DPYD: variants seen among roughly 807,000 people sequenced by gnomAD.
DPYD encodes dihydropyrimidine dehydrogenase, also known as dihydropyrimidine dehydrogenase [NADP(+)].
DPYD carries 109 observed loss-of-function variants against 116.2 expected under a neutral mutation model. The observed-to-expected ratio is 0.94, with a 90% CI of 0.80 to 1.10. The LOEUF (loss-of-function observed/expected upper bound fraction) is 1.10, where lower values mean the gene tolerates loss of function less well. DPYD is among the 50% of genes least tolerant of loss of function. The probability of loss-of-function intolerance (pLI) is 0.00; values close to 1 mark genes in which losing one functional copy is unlikely to be tolerated. For synonymous variants in DPYD, 440 were observed against 432.0 expected (o/e 1.02, Z -0.23); for missense variants, 1,302 against 1,254.5 (o/e 1.04, Z -0.57).
At chr1:97,708,921 CA>C (rs1479569637) in intron 5 of DPYD, among the ~76,000 whole-genome samples, 2 of 151,702 alleles carry the variant, frequency 1.3e-5, no homozygotes, top group Admixed American at 6.6e-5. Flanking sequence ...CTTTTAATTT[CA>C]AATTCTAATC....
intron 3 of DPYD, among the ~76,000 whole-genome samples, chr1:97,743,669 T>G (rs1284115676): frequency 1.3e-5 from 2 of 152,114 alleles, no homozygotes; most frequent in African/African-American, 4.8e-5. Context: ...CAGAATGTTA[T>G]TACCTAAATT....
chr1:97,182,920 T>C (rs766845963), intron 20 of DPYD, among the ~76,000 whole-genome samples: 48 of 152,144 alleles, frequency 3.2e-4, no homozygotes, highest in Admixed American at 4.6e-4. Flanking sequence ...TATATACATT[T>C]ATTCTGGGCA....
rs192511804 is a variant in DPYD, at chr1:97,854,103, T to C, written c.151-25907A>G. ...CCATTTCTATTATCCAGAAAATATA[T>C]ACATAAAAAGAAAACATTCATATTA... is the stretch of plus-strand genomic sequence containing the variant. On this transcript the variant is annotated intron_variant, in intron 2 of 22. Transcript: ENST00000370192. 6.6e-5 allele frequency among the ~76,000 whole-genome samples: 10 copies of C among 152,326 alleles called. 1 individual carries two copies. Among genetic ancestry groups the C allele is most frequent in the Admixed American group, 6.5e-4 (10 of 15,302 alleles).
At chr1:97,630,992 C>A (rs1212060103) in intron 8 of DPYD, among the ~76,000 whole-genome samples, 1 of 152,036 alleles carries the variant, frequency 6.6e-6, no homozygotes, top group Non-Finnish European at 1.5e-5. Flanking sequence ...ATTCCAGGTC[C>A]TCTAATAACT....
chr1:97,231,558 A>G (rs112599248), intron 19 of DPYD, among the ~76,000 whole-genome samples: 13,057 of 152,152 alleles, frequency 0.086, 959 homozygotes, highest in East Asian at 0.28. Flanking sequence ...ACTCACTGTC[A>G]GGAAAGCACA....
chr1:97,447,136 A>C (rs1252485877), intron 14 of DPYD, among the ~76,000 whole-genome samples: 2 of 152,200 alleles, frequency 1.3e-5, no homozygotes, highest in Non-Finnish European at 2.9e-5. Flanking sequence ...GGAAACAGAG[A>C]CATTAGCTAC....
chr1:97,706,072 T>C (rs1661933009), intron 5 of DPYD, among the ~76,000 whole-genome samples: 1 of 152,034 alleles, frequency 6.6e-6, no homozygotes, highest in Non-Finnish European at 1.5e-5. Context: ...ATAAGAAATG[T>C]ATAACTGAAA....
At chr1:97,252,911 GA>G (rs1557974240) in intron 18 of DPYD, among the ~76,000 whole-genome samples, 1 of 151,952 alleles carries the variant, frequency 6.6e-6, no homozygotes, top group Non-Finnish European at 1.5e-5. Context: ...CATAAACTTC[GA>G]AATACAAATC....
intron 10 of DPYD, among the ~76,000 whole-genome samples, chr1:97,575,068 C>T (rs1300978288): frequency 6.6e-6 from 1 of 152,158 alleles, no homozygotes; most frequent in Non-Finnish European, 1.5e-5. Context: ...GCTAATTAAA[C>T]CAGACTGCGC....
chr1:97,360,673 T>C (rs1264293369), intron 16 of DPYD, among the ~76,000 whole-genome samples: 2 of 152,090 alleles, frequency 1.3e-5, no homozygotes, highest in Non-Finnish European at 2.9e-5. Flanking sequence ...CACAACTACA[T>C]GGAAACTGAA....
At chr1:97,757,798 A>C (rs1288118031) in intron 3 of DPYD, among the ~76,000 whole-genome samples, 1 of 152,218 alleles carries the variant, frequency 6.6e-6, no homozygotes, top group Non-Finnish European at 1.5e-5. Context: ...TCAGCTTCCA[A>C]GACAAGTATT....
intron 16 of DPYD, among the ~76,000 whole-genome samples, chr1:97,322,222 C>T (rs1232223602): frequency 6.8e-6 from 1 of 146,272 alleles, no homozygotes; most frequent in Non-Finnish European, 1.5e-5. Context: ...TACCCTAAAA[C>T]TTAAAGTATA....
At chr1:97,694,384 A>T (rs112980478) in intron 6 of DPYD, among the ~76,000 whole-genome samples, 1 of 152,234 alleles carries the variant, frequency 6.6e-6, no homozygotes, top group East Asian at 1.9e-4. Flanking sequence ...TGACAAATGT[A>T]AAATACTAAA....
chr1:97,902,238 A>G (rs2101686978), intron 1 of DPYD, among the ~76,000 whole-genome samples: 1 of 151,958 alleles, frequency 6.6e-6, no homozygotes, highest in Admixed American at 6.6e-5. Flanking sequence ...AGACTGAGTC[A>G]AGATTAGAAC....
intron 20 of DPYD, among the ~76,000 whole-genome samples, chr1:97,153,276 G>A (rs1439982705): frequency 1.3e-5 from 2 of 152,100 alleles, no homozygotes; most frequent in Non-Finnish European, 2.9e-5. Context: ...GAGAATAACA[G>A]CTGCATCCAC....
At chr1:97,464,552 G>C (rs866765430) in intron 13 of DPYD, among the ~76,000 whole-genome samples, 1 of 152,136 alleles carries the variant, frequency 6.6e-6, no homozygotes, top group Non-Finnish European at 1.5e-5. Flanking sequence ...ACTTGGTGTC[G>C]TGTCCTGTGC....
chr1:97,428,227 C>T (rs558683450), intron 14 of DPYD, among the ~76,000 whole-genome samples: 2 of 152,120 alleles, frequency 1.3e-5, no homozygotes, highest in African/African-American at 4.8e-5. Flanking sequence ...GGTGACACAG[C>T]CATGAAAGGC....
intron 12 of DPYD, among the ~76,000 whole-genome samples, chr1:97,527,130 G>A (rs777746682): frequency 1.3e-5 from 2 of 151,290 alleles, no homozygotes; most frequent in Non-Finnish European, 2.9e-5. Context: ...CCAGGCTGGA[G>A]TGCAGTGGCG....
intron 3 of DPYD, among the ~76,000 whole-genome samples, chr1:97,806,539 C>G (rs1668086163): frequency 6.6e-6 from 1 of 151,728 alleles, no homozygotes; most frequent in Non-Finnish European, 1.5e-5. Flanking sequence ...AGGTTCACAG[C>G]AAAATTCAAA....
Sources: allele counts gnomAD v4.1 joint callset (sites outside exome capture counted in the v4.1 genomes callset), GRCh38; gene constraint gnomAD v4.1.1; transcripts MANE v1.5; gene names NCBI Gene and HGNC (gene_info 2026-07-23, HGNC 2026-07-21).